Variants in ST8SIA6 observed in about 807,000 individuals in gnomAD.
ST8SIA6 encodes the protein ST8 alpha-N-acetyl-neuraminide alpha-2,8-sialyltransferase 6.
Under a neutral mutation model 33.6 loss-of-function variants are expected in ST8SIA6, and 39 were observed. The ratio of observed to expected loss-of-function variants is 1.16; its 90% CI spans 0.90 to 1.52. The LOEUF (loss-of-function observed/expected upper bound fraction) is 1.52. Ranked by LOEUF, ST8SIA6 falls within the 40% of genes most tolerant of loss-of-function variation. The pLI is 0.00. For missense variants in ST8SIA6, 441 were observed against 443.8 expected (o/e 0.99, Z 0.06); for synonymous variants, 172 against 167.2 (o/e 1.03, Z -0.22).
chr10:17,420,467 T>A (rs1255022161), intron 2 of ST8SIA6, among the ~76,000 whole-genome samples: 1 of 152,198 alleles, frequency 6.6e-6, no homozygotes, highest in South Asian at 2.1e-4. Context: ...CACATTTTTG[T>A]TATGGTGAAA....
intron 2 of ST8SIA6, among the ~76,000 whole-genome samples, chr10:17,432,448 C>G (rs1852130839): frequency 6.6e-6 from 1 of 152,088 alleles, no homozygotes; most frequent in East Asian, 1.9e-4. Flanking sequence ...GTAATGCGTA[C>G]GAATGTGAAT....
At chr10:17,384,445 A>C (rs1285379859) in intron 3 of ST8SIA6, among the ~76,000 whole-genome samples, 1 of 152,270 alleles carries the variant, frequency 6.6e-6, no homozygotes, top group Non-Finnish European at 1.5e-5. Context: ...AAGTATAATA[A>C]GCAAACCAGT....
chr10:17,417,140 A>G (rs1385863042), intron 2 of ST8SIA6, among the ~76,000 whole-genome samples: 1 of 152,112 alleles, frequency 6.6e-6, no homozygotes, highest in Non-Finnish European at 1.5e-5. Context: ...AGCACATCAC[A>G]TGGATAGAGA....
chr10:17,340,232 T>A (rs117665107), intron 4 of ST8SIA6, among the ~76,000 whole-genome samples: 3,887 of 152,258 alleles, frequency 0.026, 88 homozygotes, highest in Admixed American at 0.035. Context: ...TTCCCACCAG[T>A]TCTCATCAGT....
At chr10:17,332,019 C>A (rs1289008750) in intron 4 of ST8SIA6, among the ~76,000 whole-genome samples, 1 of 152,176 alleles carries the variant, frequency 6.6e-6, no homozygotes, top group African/African-American at 2.4e-5. Flanking sequence ...TCAACTCCCA[C>A]TTATAAGTAA....
chr10:17,361,399 G>A (rs10795474), intron 3 of ST8SIA6, among the ~76,000 whole-genome samples: 56,652 of 151,484 alleles, frequency 0.37, 10,772 homozygotes, highest in East Asian at 0.6. Flanking sequence ...CTTAGGTGCA[G>A]TGGAGATATG....
Position 17,382,254 on chromosome 10 carries a change from AT to A in ST8SIA6, c.290+8276del, listed in dbSNP as rs34107961. 3.0e-4 allele frequency among the ~76,000 whole-genome samples: 45 copies of A among 150,850 alleles called. No individual in the cohort carries two copies. In the South Asian group the frequency reaches 4.8e-3, roughly 16 times the overall value. ...TCCAATAAAAGAAGTTTCAGTGATA[AT>A]TTTTTTTTTAATTAAGTTTATTACA... On this transcript the variant is annotated intron_variant, in intron 3 of 7. Coordinates refer to ENST00000377602, the MANE Select transcript of ST8SIA6 (RefSeq NM_001004470.3).
At chr10:17,327,217 C>T in intron 5 of ST8SIA6, 91 bp from the exon 6 acceptor site, 2 of 909,928 alleles carry the variant, frequency 2.2e-6, no homozygotes, top group Non-Finnish European at 3.4e-6. Context: ...ACTCTTTATA[C>T]ATGCTAAGGA....
chr10:17,371,905 A>G (rs1849749461), intron 3 of ST8SIA6, among the ~76,000 whole-genome samples: 1 of 152,160 alleles, frequency 6.6e-6, no homozygotes, highest in East Asian at 1.9e-4. Flanking sequence ...AAATAGAAAT[A>G]ATATATTTAT....
chr10:17,391,123 G>T (rs1282901086), intron 2 of ST8SIA6, among the ~76,000 whole-genome samples: 1 of 152,172 alleles, frequency 6.6e-6, no homozygotes, highest in Non-Finnish European at 1.5e-5. Flanking sequence ...CTCCCAAAGT[G>T]CTGGGATTAC....
chr10:17,383,398 G>A lies in ST8SIA6; in HGVS notation c.290+7133C>T, dbSNP rs553247558. On this transcript the variant is annotated intron_variant, in intron 3 of 7. Transcript: ENST00000377602. ...TAAAGTGGTATTTAGTTTTCTTAGG[G>A]CTGTATTTGTATAAATATGTTATTG... Among the ~76,000 whole-genome samples, 11 of 152,138 alleles carry A rather than the reference G, an allele frequency of 7.2e-5. No individual in the cohort carries two copies. The South Asian group carries it at 2.1e-3, about 29-fold the overall frequency.
chr10:17,387,253 ATTTT>A (rs34212118), intron 3 of ST8SIA6, among the ~76,000 whole-genome samples: 1 of 145,490 alleles, frequency 6.9e-6, no homozygotes, highest in African/African-American at 2.5e-5. Context: ...GAAAACAATA[ATTTT>A]TTTTTTTTTT....
At chr10:17,448,460 G>A (rs1852793992) in intron 2 of ST8SIA6, among the ~76,000 whole-genome samples, 1 of 152,158 alleles carries the variant, frequency 6.6e-6, no homozygotes, top group African/African-American at 2.4e-5. Flanking sequence ...AGACATGGAT[G>A]TTCCCATGGA....
chr10:17,389,311 C>G lies in ST8SIA6; in HGVS notation c.290+1220G>C, dbSNP rs185419580. ...TTGCAATTCACCTGTCTTGATAAAT[C>G]GGTTCTGTCTAGGCAGTGGGCAAGG... is the stretch of plus-strand genomic sequence containing the variant. On this transcript the variant is annotated intron_variant, in intron 3 of 7. Transcript: ENST00000377602. Among the ~76,000 whole-genome samples the G allele has an allele frequency of 1.2e-4, 19 of 152,342 alleles. No homozygotes were observed. In the East Asian group the frequency reaches 3.7e-3, roughly 29 times the overall value.
chr10:17,339,801 A>G (rs968229192), intron 4 of ST8SIA6, among the ~76,000 whole-genome samples: 1 of 152,236 alleles, frequency 6.6e-6, no homozygotes, highest in African/African-American at 2.4e-5. Flanking sequence ...ATAGATGAGG[A>G]TAACTTAGGA....
chr10:17,373,912 G>A (rs980085426), intron 3 of ST8SIA6, among the ~76,000 whole-genome samples: 1 of 152,086 alleles, frequency 6.6e-6, no homozygotes, highest in African/African-American at 2.4e-5. Flanking sequence ...TTCTCTGAGA[G>A]AAAATTCAGT....
intron 2 of ST8SIA6, 80 bp from the exon 3 acceptor site, chr10:17,390,700 A>T: frequency 8.5e-7 from 1 of 1,179,910 alleles, no homozygotes; most frequent in Non-Finnish European, 1.2e-6. Context: ...ATCAGATTTA[A>T]TTGATAAAGT....
intron 4 of ST8SIA6, among the ~76,000 whole-genome samples, chr10:17,347,735 A>G (rs1255416184): frequency 2.6e-5 from 4 of 152,066 alleles, no homozygotes; most frequent in Admixed American, 2.0e-4. Context: ...CGAGATCGAG[A>G]CCATCCTGGC....
At chr10:17,411,603 T>C (rs960602274) in intron 2 of ST8SIA6, among the ~76,000 whole-genome samples, 3 of 152,238 alleles carry the variant, frequency 2.0e-5, no homozygotes, top group African/African-American at 4.8e-5. Context: ...CTGCATCTAG[T>C]TAAGTTGGAG....
Sources: allele counts gnomAD v4.1 joint callset (sites outside exome capture counted in the v4.1 genomes callset), GRCh38; gene constraint gnomAD v4.1.1; transcripts MANE v1.5; gene names NCBI Gene and HGNC (gene_info 2026-07-23, HGNC 2026-07-21).